CEP57L1: variants seen among roughly 807,000 people sequenced by gnomAD.
CEP57L1 encodes centrosomal protein 57 like 1.
CEP57L1 carries 37 observed loss-of-function variants against 61.0 expected under a neutral mutation model. The ratio of observed to expected loss-of-function variants is 0.61; its 90% CI spans 0.47 to 0.80. The LOEUF (loss-of-function observed/expected upper bound fraction) is 0.80. Among genes scored for constraint, CEP57L1 ranks in the 30% least tolerant of loss-of-function variants. CEP57L1 has a pLI of 0.00. For synonymous variants in CEP57L1, 137 were observed against 162.3 expected, an observed-to-expected ratio of 0.84 and a Z score of 1.19; for missense variants, 422 against 524.7, an observed-to-expected ratio of 0.80 and a Z score of 1.91.
rs151122811 is a variant in CEP57L1, at chr6:109,123,834, C to A, written c.-3-21385C>A. Among the ~76,000 whole-genome samples, 1,260 of 151,998 alleles carry A rather than the reference C, an allele frequency of 8.3e-3. 24 individuals are homozygous for A. The highest frequency in any genetic ancestry group is 0.029 in the African/African-American group (1,210 of 41,460). ...CTGTAATCTCAGTACTTTGGGAGGC[C>A]AAGGCGGGCAGATCACCTGATGACA... On this transcript the variant is annotated intron_variant, in intron 1 of 10. Transcript: ENST00000517392.
In CEP57L1 at chr6:109,167,535, T is replaced by A. The variant is rs1774185898; in HGVS notation, c.*4565T>A. On this transcript the variant is annotated 3_prime_UTR_variant, in exon 11 of 11. Transcript: ENST00000517392. ...TGTCTCTACTAAAAATAAAAAAAAA[T>A]TAGCTGGGTGTGGTAGCATGCAGTC... is the stretch of plus-strand genomic sequence containing the variant. 1.3e-5 allele frequency among the ~76,000 whole-genome samples: 2 copies of A among 151,876 alleles called. No homozygotes were observed. The highest frequency in any genetic ancestry group is 4.8e-5 in the African/African-American group (2 of 41,342).
At chr6:109,107,162 A>C (rs1250233449) in intron 1 of CEP57L1, among the ~76,000 whole-genome samples, 1 of 152,216 alleles carries the variant, frequency 6.6e-6, no homozygotes, top group African/African-American at 2.4e-5. Flanking sequence ...TGTGAACCTA[A>C]TAAATTAGAC....
At chr6:109,119,219 A>G (rs1471062185) in intron 1 of CEP57L1, among the ~76,000 whole-genome samples, 4 of 152,214 alleles carry the variant, frequency 2.6e-5, no homozygotes. Context: ...GCAGTCACTG[A>G]AGAGTTTGAA....
Position 109,174,099 on chromosome 6 carries a change from C to CAAAAAAAAAAAAAAAAAAAAA in CEP57L1, c.*11144_*11145insAAAAAAAAAAAAAAAAAAAAA, listed in dbSNP as rs1298260523. On this transcript the variant is annotated 3_prime_UTR_variant, in exon 11 of 11. Transcript: ENST00000517392. ...TGAGCCATAGAGTGAGTCTTGGTCT[C>CAAAAAAAAAAAAAAAAAAAAA]AAAAAAAAAAAAAAACCTTGTGTTG... Among the ~76,000 whole-genome samples the CAAAAAAAAAAAAAAAAAAAAA allele has an allele frequency of 2.4e-5, 2 of 81,906 alleles. No individual in the cohort carries two copies. Among genetic ancestry groups the CAAAAAAAAAAAAAAAAAAAAA allele is most frequent in the African/African-American group, 9.6e-5 (2 of 20,852 alleles). The allele number at this position is 81,906 out of a possible 152,430, so 53.7% of individuals were successfully genotyped here. A position where few individuals can be genotyped will look rare whatever the true frequency, so the allele number is the denominator to read the frequency against.
intron 1 of CEP57L1, among the ~76,000 whole-genome samples, chr6:109,143,814 C>T (rs1208366688): frequency 6.6e-6 from 1 of 152,006 alleles, no homozygotes; most frequent in East Asian, 1.9e-4. Flanking sequence ...AGAAACCCAC[C>T]CGGAGCTGAA....
At chr6:109,109,269 GA>G (rs1771294568) in intron 1 of CEP57L1, among the ~76,000 whole-genome samples, 1 of 152,108 alleles carries the variant, frequency 6.6e-6, no homozygotes, top group South Asian at 2.1e-4. Flanking sequence ...CATAAATTTG[GA>G]AAATGCATGC....
chr6:109,143,004 T>A (rs960890330), intron 1 of CEP57L1, among the ~76,000 whole-genome samples: 1 of 104,852 alleles, frequency 9.5e-6, no homozygotes, highest in Non-Finnish European at 1.9e-5. Context: ...TCTCTCTCTC[T>A]CACTGAATAC....
rs1485532023 is a variant in CEP57L1 at position 109,159,284 on chromosome 6, G to A, written c.838G>A (p.Asp280Asn). Residue 280 changes from aspartate to asparagine, a missense_variant, in exon 9 of 11, where the codon GAC (aspartate) becomes AAC (asparagine). Asp to Asn is a conservative substitution (Grantham distance 23). Coordinates refer to ENST00000517392, the MANE Select transcript of CEP57L1 (RefSeq NM_001271852.3). ...CTTTTTGCAGATGAGGCAACATCGT[G>A]ACCCACATATCCTTCAGAAACCTTT... ...FVAEKMRQHR[D>N]PHILQKPFNV... 2 of 1,613,914 alleles carry A rather than the reference G, an allele frequency of 1.2e-6. No individual in the cohort carries two copies. Among genetic ancestry groups the A allele is most frequent in the Non-Finnish European group, 1.7e-6 (2 of 1,179,978 alleles).
At chr6:109,145,109 AC>A (rs1771813099) in intron 1 of CEP57L1, 109 bp from the exon 2 acceptor site, 1 of 590,588 alleles carries the variant, frequency 1.7e-6, no homozygotes, top group African/African-American at 1.9e-5. Context: ...TAAAGATACA[AC>A]TCCACAGTAT....
intron 6 of CEP57L1, 149 bp from the exon 7 acceptor site, chr6:109,155,642 T>C (rs1034600736): frequency 3.9e-4 from 227 of 583,318 alleles, no homozygotes; most frequent in Middle Eastern, 1.4e-3. Context: ...CTTAGTGACC[T>C]TCACATGTAC....
chr6:109,095,216 C>A (rs1206519812), upstream of CEP57L1: 2 of 985,388 alleles, frequency 2.0e-6, no homozygotes, highest in African/African-American at 1.7e-5. Context: ...CGTTCCCGGA[C>A]GTTTGGACTC....
chr6:109,111,244 C>G (rs1377222856), intron 1 of CEP57L1, among the ~76,000 whole-genome samples: 1 of 152,156 alleles, frequency 6.6e-6, no homozygotes, highest in Non-Finnish European at 1.5e-5. Context: ...TCGTTTACAT[C>G]CCTTGTAAGT....
intron 1 of CEP57L1, among the ~76,000 whole-genome samples, chr6:109,126,148 G>A (rs972363374): frequency 1.3e-5 from 2 of 152,122 alleles, no homozygotes; most frequent in African/African-American, 4.8e-5. Context: ...ATGCCCCTTT[G>A]CAGAGCGTAG....
intron 1 of CEP57L1, among the ~76,000 whole-genome samples, chr6:109,100,693 GAAGA>G (rs1460398382): frequency 4.8e-5 from 6 of 125,900 alleles, no homozygotes; most frequent in Non-Finnish European, 8.4e-5. Flanking sequence ...AAAAAAAAAA[GAAGA>G]AAGAAAGAAA....
intron 2 of CEP57L1, 119 bp from the exon 3 acceptor site, chr6:109,146,639 T>C: frequency 1.6e-6 from 1 of 632,218 alleles, no homozygotes; most frequent in Non-Finnish European, 2.7e-6. Context: ...GAATATGCAT[T>C]ACTTGTACAT....
intron 1 of CEP57L1, among the ~76,000 whole-genome samples, chr6:109,135,493 C>G (rs1485820448): frequency 6.6e-6 from 1 of 152,178 alleles, no homozygotes; most frequent in East Asian, 1.9e-4. Context: ...CCATTCAGGA[C>G]ATAGGCATGG....
chr6:109,107,375 C>T (rs535815920), intron 1 of CEP57L1, among the ~76,000 whole-genome samples: 3 of 149,602 alleles, frequency 2.0e-5, no homozygotes, highest in South Asian at 4.2e-4. Context: ...AGAGTTTTCT[C>T]TTTCATATTA....
intron 7 of CEP57L1, chr6:109,157,965 C>G (rs1385547016): frequency 6.6e-6 from 1 of 152,206 alleles, no homozygotes; most frequent in Non-Finnish European, 1.5e-5. Flanking sequence ...CCCTCTATAG[C>G]TACACATCCC....
In CEP57L1 at chr6:109,167,294, T is replaced by G. The variant is rs940620085; in HGVS notation, c.*4324T>G. Among the ~76,000 whole-genome samples, 1 of 152,124 alleles carries G rather than the reference T, an allele frequency of 6.6e-6. No homozygotes were observed. The highest frequency in any genetic ancestry group is 2.4e-5 in the African/African-American group (1 of 41,406). On this transcript the variant is annotated 3_prime_UTR_variant, in exon 11 of 11. Transcript: ENST00000517392. ...GTCTGGGCCAGAGTTTGTTGTTACTTTTGCTGTAGATTGTTTACTTAAAGA... is the reference window on the plus strand; with the variant it reads ...GTCTGGGCCAGAGTTTGTTGTTACTGTTGCTGTAGATTGTTTACTTAAAGA...
Sources: gnomAD v4.1 joint callset for allele counts (sites outside exome capture counted in the v4.1 genomes callset) on GRCh38, gnomAD v4.1.1 for gene constraint, MANE v1.5 for transcripts, NCBI Gene and HGNC (gene_info 2026-07-23, HGNC 2026-07-21) for gene names.